BRD10: variants seen among roughly 807,000 people sequenced by gnomAD.
The protein encoded by BRD10 is bromodomain containing 10.
chr9:5,900,300 T>TCATATCA, the BRD10 span, among the ~76,000 whole-genome samples: 4 of 152,196 alleles, frequency 2.6e-5, no homozygotes, highest in African/African-American at 9.6e-5. Flanking sequence ...ATCAGTGGTT[T>TCATATCA]GTAGTTTCTG....
chr9:5,955,921 A>G, the BRD10 span, among the ~76,000 whole-genome samples: 41 of 152,278 alleles, frequency 2.7e-4, no homozygotes, highest in African/African-American at 7.9e-4. Context: ...ACTGAGTGCC[A>G]TAAGTATTGC....
the BRD10 span, among the ~76,000 whole-genome samples, chr9:5,912,028 A>G: frequency 2.0e-5 from 3 of 152,194 alleles, no homozygotes; most frequent in Non-Finnish European, 4.4e-5. Flanking sequence ...TAAACATTGA[A>G]TATCTTTCTG....
At chr9:5,969,390 C>G in the BRD10 span, 1 of 1,600,600 alleles carries the variant, frequency 6.2e-7, no homozygotes, top group Non-Finnish European at 8.5e-7. Context: ...TCTTCTATTT[C>G]CTTTTGACTA....
chr9:5,924,634 T>C, the BRD10 span: 2 of 1,426,970 alleles, frequency 1.4e-6, no homozygotes, highest in Non-Finnish European at 1.9e-6. Context: ...CAGTGTTGAC[T>C]TAAAAAAAAA....
chr9:5,979,491 G>T, the BRD10 span, among the ~76,000 whole-genome samples: 3 of 151,590 alleles, frequency 2.0e-5, no homozygotes, highest in Non-Finnish European at 4.4e-5. Flanking sequence ...CTGGGAGACA[G>T]AGTGAGAACC....
At chr9:5,970,375 G>A in the BRD10 span, among the ~76,000 whole-genome samples, 1 of 152,082 alleles carries the variant, frequency 6.6e-6, no homozygotes, top group Non-Finnish European at 1.5e-5. Flanking sequence ...AGGTGACAGT[G>A]TTGCAAAAGT....
chr9:5,892,661 C>A, the BRD10 span: 54 of 807,578 alleles, frequency 6.7e-5, no homozygotes, highest in Non-Finnish European at 1.0e-4. Flanking sequence ...TGTTTATCTC[C>A]CCAGACAGTA....
the BRD10 span, among the ~76,000 whole-genome samples, chr9:5,965,331 T>C: frequency 2.0e-5 from 3 of 152,098 alleles, no homozygotes; most frequent in South Asian, 4.1e-4. Context: ...AAAAAAACAC[T>C]ACGTTAAACA....
the BRD10 span, among the ~76,000 whole-genome samples, chr9:5,997,404 A>C: frequency 1.3e-5 from 2 of 150,772 alleles, no homozygotes; most frequent in African/African-American, 4.9e-5. Context: ...TTTAAAAGCC[A>C]CATATCTAAT....
chr9:5,897,575 C>A, the BRD10 span: 2 of 1,614,136 alleles, frequency 1.2e-6, no homozygotes, highest in Non-Finnish European at 1.7e-6. Flanking sequence ...GGATCGGCAT[C>A]CTGACAGTGA....
the BRD10 span, among the ~76,000 whole-genome samples, chr9:5,956,003 T>C: frequency 2.0e-5 from 3 of 152,092 alleles, no homozygotes; most frequent in African/African-American, 4.8e-5. Flanking sequence ...TTTTTAAAGT[T>C]CACAAGAAAA....
At chr9:5,917,101 T>G in the BRD10 span, among the ~76,000 whole-genome samples, 1 of 152,190 alleles carries the variant, frequency 6.6e-6, no homozygotes, top group African/African-American at 2.4e-5. Context: ...CAAATATACA[T>G]TGAATACAGT....
the BRD10 span, chr9:5,953,953 A>G: frequency 1.4e-5 from 12 of 885,392 alleles, no homozygotes; most frequent in Middle Eastern, 2.1e-4. Context: ...CAAACTCTCG[A>G]GGAATGATAT....
chr9:5,885,725 C>T, the BRD10 span, among the ~76,000 whole-genome samples: 1 of 152,126 alleles, frequency 6.6e-6, no homozygotes, highest in Non-Finnish European at 1.5e-5. Context: ...TTCCCTATTC[C>T]TATGTTGCAG....
the BRD10 span, among the ~76,000 whole-genome samples, chr9:5,980,150 G>GT: frequency 6.6e-6 from 1 of 152,112 alleles, no homozygotes; most frequent in Non-Finnish European, 1.5e-5. Flanking sequence ...ACAGAATGTG[G>GT]TGGTGGTTGT....
At chr9:5,910,950 T>C in the BRD10 span, among the ~76,000 whole-genome samples, 2 of 152,316 alleles carry the variant, frequency 1.3e-5, no homozygotes, top group East Asian at 3.9e-4. Context: ...TATTAATCCC[T>C]TGTCAGATGG....
At chr9:5,975,733 A>G in the BRD10 span, among the ~76,000 whole-genome samples, 2 of 152,168 alleles carry the variant, frequency 1.3e-5, no homozygotes, top group Non-Finnish European at 2.9e-5. Context: ...TATACTTAGA[A>G]GAGAAGAGAT....
At chr9:5,986,384 T>C in the BRD10 span, among the ~76,000 whole-genome samples, 1 of 152,202 alleles carries the variant, frequency 6.6e-6, no homozygotes. Context: ...TGCTGAGCAT[T>C]TGGGTTGATT....
chr9:5,969,840 C>T, the BRD10 span, among the ~76,000 whole-genome samples: 2 of 152,182 alleles, frequency 1.3e-5, no homozygotes, highest in Non-Finnish European at 2.9e-5. Flanking sequence ...GCTACTGTGC[C>T]CAGCCTGCCC....
Sources: allele counts gnomAD v4.1 joint callset (sites outside exome capture counted in the v4.1 genomes callset), GRCh38; gene constraint gnomAD v4.1.1; transcripts MANE v1.5; gene names NCBI Gene and HGNC (gene_info 2026-07-23, HGNC 2026-07-21).